Variants in ZPR1 observed in about 807,000 individuals in gnomAD.
The protein encoded by ZPR1 is zinc finger protein ZPR1.
Under a neutral mutation model 59.6 loss-of-function variants are expected in ZPR1, and 37 were observed. That is an observed-to-expected ratio of 0.62 (90% CI 0.48 to 0.82). The LOEUF is 0.82. ZPR1 is among the 40% of genes least tolerant of loss of function. The pLI is 0.00. For missense variants in ZPR1, 527 were observed against 579.9 expected, an observed-to-expected ratio of 0.91 and a Z score of 0.94; for synonymous variants, 191 against 215.2, an observed-to-expected ratio of 0.89 and a Z score of 0.99.
intron 11 of ZPR1, 63 bp from the exon 12 acceptor site, chr11:116,782,307 A>G: frequency 6.8e-7 from 1 of 1,469,456 alleles, no homozygotes; most frequent in Non-Finnish European, 9.5e-7. Context: ...GCCTGACCAT[A>G]AACTAGGCAG....
chr11:116,782,282 C>T, intron 11 of ZPR1, 38 bp from the exon 12 acceptor site: 1 of 1,576,458 alleles, frequency 6.3e-7, no homozygotes, highest in African/African-American at 1.3e-5. Context: ...TGAATACTGG[C>T]TTTATATTTG....
chr11:116,782,255 T>C lies in ZPR1; in HGVS notation c.1093-11A>G, dbSNP rs760678487. On this transcript the variant is annotated splice_polypyrimidine_tract_variant and intron_variant, in intron 11 of 13. Transcript: ENST00000227322. ...AGGATTTTTGGTCACCTGCAATAAA[T>C]GATAATCCAAACTATGTGAATACTG... is the stretch of plus-strand genomic sequence containing the variant. 5.0e-6 allele frequency: 8 copies of C among 1,611,264 alleles called. No homozygotes were observed. Among genetic ancestry groups the C allele is most frequent in the African/African-American group, 1.3e-5 (1 of 74,980 alleles).
At chr11:116,782,302 AC>A in intron 11 of ZPR1, 58 bp from the exon 12 acceptor site, 1 of 1,486,028 alleles carries the variant, frequency 6.7e-7, no homozygotes, top group Non-Finnish European at 9.4e-7. Flanking sequence ...GTTAGGCCTG[AC>A]CATAAACTAG....
In ZPR1 at chr11:116,785,833, A is replaced by G. The variant is rs773363659; in HGVS notation, c.545T>C (p.Leu182Pro). 6.2e-7 allele frequency: 1 copy of G among 1,614,178 alleles called. No homozygotes were observed. Among genetic ancestry groups the G allele is most frequent in the South Asian group, 1.1e-5 (1 of 91,082 alleles). Residue 182 changes from leucine (L) to proline (P), a missense_variant, in exon 5 of 14, where the codon CTG becomes CCG. By Grantham distance (98) the Leu-to-Pro change is moderately conservative (BLOSUM62 -3). Coordinates refer to ENST00000227322, the MANE Select transcript of ZPR1 (RefSeq NM_003904.5). ...GGAGGCTACTTGCTTTAGCTCCTTC[A>G]GTTTGACAATGAACTCATCAATTCT... The part of the protein sequence containing the change: ...AERIDEFIVK[L>P]KELKQVASPF...
rs1408937690 is a variant in ZPR1 at position 116,778,226 on chromosome 11, A to G, written c.*699T>C. 2 of 152,068 alleles carry G rather than the reference A, an allele frequency of 1.3e-5. No homozygotes were observed. Among genetic ancestry groups the G allele is most frequent in the Non-Finnish European group, 2.9e-5 (2 of 68,040 alleles). The allele number at this position is 152,068 out of a possible 1,614,324, so 9.4% of individuals were successfully genotyped here. A position where few individuals can be genotyped will look rare whatever the true frequency, so the allele number is the denominator to read the frequency against. ...GATCTGTTTATTGTCATTTTTCCCC[A>G]CTAGACTTCAAGTTCCATGAAAGAG... On this transcript the variant is annotated 3_prime_UTR_variant, in exon 14 of 14. Coordinates refer to ENST00000227322, the MANE Select transcript of ZPR1 (RefSeq NM_003904.5).
chr11:116,775,470 A>G lies in ZPR1; in HGVS notation c.*3455T>C. 6.5e-6 allele frequency: 1 copy of G among 154,294 alleles called. No homozygotes were observed. The highest frequency in any genetic ancestry group is 1.4e-5 in the Non-Finnish European group (1 of 70,408). The allele number at this position is 154,294 out of a possible 1,614,324, so 9.6% of individuals were successfully genotyped here. A position where few individuals can be genotyped will look rare whatever the true frequency, so the allele number is the denominator to read the frequency against. On this transcript the variant is annotated 3_prime_UTR_variant, in exon 14 of 14. Transcript: ENST00000227322. ...AAGACTGTCTCCAAAAAAAAAAAAAAAAAAAAAATTAGCCAGGCATGGTGG... is the reference window on the plus strand; with the variant it reads ...AAGACTGTCTCCAAAAAAAAAAAAAGAAAAAAAATTAGCCAGGCATGGTGG...
intron 4 of ZPR1, 109 bp downstream of exon 4, chr11:116,786,402 G>A (rs1380701341): frequency 8.2e-7 from 1 of 1,226,110 alleles, no homozygotes; most frequent in African/African-American, 1.5e-5. Flanking sequence ...ACCACCATAT[G>A]CTTACCCAGC....
Position 116,774,736 on chromosome 11 carries a change from G to A in ZPR1, c.*4189C>T, listed in dbSNP as rs910040173. On this transcript the variant is annotated 3_prime_UTR_variant, in exon 14 of 14. Coordinates refer to ENST00000227322, the MANE Select transcript of ZPR1 (RefSeq NM_003904.5). The stretch of plus-strand genomic sequence containing the variant: ...GGCTTCACTAGGCGGAGGGCCCCAG[G>A]GTACCCCATACACAAGCCTGCCTTG... 1 of 152,208 alleles carries A rather than the reference G, an allele frequency of 6.6e-6. No homozygotes were observed. The highest frequency in any genetic ancestry group is 2.4e-5 in the African/African-American group (1 of 41,410). The allele number at this position is 152,208 out of a possible 1,614,324, so 9.4% of individuals were successfully genotyped here.
At chr11:116,785,005 C>T (rs770571913) in intron 7 of ZPR1, 84 bp from the exon 8 acceptor site, 18 of 1,605,680 alleles carry the variant, frequency 1.1e-5, no homozygotes, top group Non-Finnish European at 1.5e-5. Context: ...TGCTAGTGGT[C>T]ATCTATGTTG....
chr11:116,784,527 C>A, intron 8 of ZPR1, 79 bp from the exon 9 acceptor site: 1 of 1,323,198 alleles, frequency 7.6e-7, no homozygotes, highest in African/African-American at 1.4e-5. Flanking sequence ...AAACCCCACA[C>A]AAACATATGC....
rs377186813 is a variant in ZPR1 at position 116,782,926 on chromosome 11, C to T, written c.1085G>A (p.Arg362Gln). Residue 362 changes from arginine to glutamine, a missense_variant, in exon 11 of 14, where the codon CGG becomes CAG. Coordinates refer to ENST00000227322, the MANE Select transcript of ZPR1 (RefSeq NM_003904.5). ...ACTACTCAAGTGACTCACCAGTTCC[C>T]GGATGTCTTTCAGCAGCCCTTCCAG... ...TTLEGLLKDI[R>Q]ELVTKNPFTL... 4.9e-5 allele frequency: 79 copies of T among 1,613,994 alleles called. No individual in the cohort carries two copies. The highest frequency in any genetic ancestry group is 6.7e-5 in the African/African-American group (5 of 75,042).
chr11:116,784,308 A>C (rs1188488802), intron 9 of ZPR1, 70 bp downstream of exon 9: 9 of 1,533,324 alleles, frequency 5.9e-6, no homozygotes, highest in African/African-American at 4.1e-5. Flanking sequence ...TGAAGTACTT[A>C]GGAAGAATGA....
chr11:116,784,533 T>C (rs1436068339), intron 8 of ZPR1, 85 bp from the exon 9 acceptor site: 1 of 1,288,238 alleles, frequency 7.8e-7, no homozygotes, highest in East Asian at 2.3e-5. Flanking sequence ...CACACAAACA[T>C]ATGCTGGTCC....
rs1451797695 is a variant in ZPR1 at position 116,774,270 on chromosome 11, A to G, written c.*4655T>C. On this transcript the variant is annotated 3_prime_UTR_variant, in exon 14 of 14. Transcript: ENST00000227322. Reference sequence around the variant, plus strand: ...TGTCTTAGCAAACTTCAAGTAAACAATACAGAATTATTAGCTATAGTCAAC... The same window carrying G: ...TGTCTTAGCAAACTTCAAGTAAACAGTACAGAATTATTAGCTATAGTCAAC... 6.6e-6 allele frequency: 1 copy of G among 152,158 alleles called. No individual in the cohort carries two copies. Among genetic ancestry groups the G allele is most frequent in the East Asian group, 1.9e-4 (1 of 5,198 alleles). 9.4% of individuals were successfully genotyped at this position (152,158 alleles called of 1,614,324 possible). A position where few individuals can be genotyped will look rare whatever the true frequency, so the allele number is the denominator to read the frequency against.
In ZPR1 at chr11:116,786,515, C is replaced by G. The variant is rs746836723; in HGVS notation, c.491G>C (p.Arg164Pro). The change falls in exon 4 of 14, where the codon CGA becomes CCA. Residue 164 changes from arginine (R) to proline (P), a missense_variant. Coordinates refer to ENST00000227322, the MANE Select transcript of ZPR1 (RefSeq NM_003904.5). ...ISGLEQDQPA[R>P]RANKDATAER... ...AATCAGAAAACCCCAGCTTACCCTTCGTGCAGGCTGGTCCTGCTCCAGGCC... is the reference window on the plus strand; with the variant it reads ...AATCAGAAAACCCCAGCTTACCCTTGGTGCAGGCTGGTCCTGCTCCAGGCC... The G allele has an allele frequency of 1.2e-6, 2 of 1,614,202 alleles. No homozygotes were observed. Among genetic ancestry groups the G allele is most frequent in the Non-Finnish European group, 1.7e-6 (2 of 1,180,024 alleles).
intron 8 of ZPR1, 69 bp from the exon 9 acceptor site, chr11:116,784,517 A>G (rs770771073): frequency 7.1e-7 from 1 of 1,417,868 alleles, no homozygotes; most frequent in Admixed American, 1.7e-5. Flanking sequence ...AAACAAAGCC[A>G]AACCCCACAC....
In ZPR1 at chr11:116,778,538, A is replaced by G. The variant is rs1452247937; in HGVS notation, c.*387T>C. On this transcript the variant is annotated 3_prime_UTR_variant, in exon 14 of 14. Coordinates refer to ENST00000227322, the MANE Select transcript of ZPR1 (RefSeq NM_003904.5). ...TTCCTGTTCAAAGTCAGTATTTTATATACTCAAAACCAACAACAAACTCCA... is the reference window on the plus strand; with the variant it reads ...TTCCTGTTCAAAGTCAGTATTTTATGTACTCAAAACCAACAACAAACTCCA... 32 of 198,446 alleles carry G rather than the reference A, an allele frequency of 1.6e-4. No homozygotes were observed. The highest frequency in any genetic ancestry group is 1.5e-3 in the Admixed American group (29 of 18,778). 12.3% of individuals were successfully genotyped at this position (198,446 alleles called of 1,614,324 possible).
Position 116,779,838 on chromosome 11 carries a change from C to A in ZPR1, c.1180-1G>T. 6.5e-7 allele frequency: 1 copy of A among 1,534,682 alleles called. No homozygotes were observed. Among genetic ancestry groups the A allele is most frequent in the South Asian group, 1.2e-5 (1 of 85,636 alleles). On this transcript the variant is annotated splice_acceptor_variant, in intron 12 of 13. Transcript: ENST00000227322. LOFTEE classifies it high-confidence loss of function. ...GGGCCTTCATGTTACCTTCGATGAT[C>A]TAAAGGAGAGAGAGAACACAGCAAG...
chr11:116,779,151 A>G, intron 13 of ZPR1, 92 bp from the exon 14 acceptor site: 1 of 1,537,974 alleles, frequency 6.5e-7, no homozygotes, highest in Non-Finnish European at 8.8e-7. Flanking sequence ...GAACAGAATG[A>G]GTTTTGGGTT....
Sources: gnomAD v4.1 joint callset for allele counts on GRCh38, gnomAD v4.1.1 for gene constraint, MANE v1.5 for transcripts, NCBI Gene and HGNC (gene_info 2026-07-23, HGNC 2026-07-21) for gene names.